KCNJ4: variants seen among roughly 807,000 people sequenced by gnomAD.
KCNJ4 encodes the protein inward rectifier potassium channel 4.
In KCNJ4, 3 loss-of-function variants were observed where a neutral mutation model predicts 25.6. The ratio of observed to expected loss-of-function variants is 0.12; its 90% confidence interval spans 0.05 to 0.30. The LOEUF is 0.30. Ranked by LOEUF, KCNJ4 falls within the 10% of genes least tolerant of loss-of-function variation. The pLI is 1.00. For missense variants in KCNJ4, 286 were observed against 666.8 expected (o/e 0.43, Z 6.29); for synonymous variants, 257 against 283.9 (o/e 0.91, Z 0.95).
intron 1 of KCNJ4, among the ~76,000 whole-genome samples, chr22:38,441,759 GCCCTCCTGGGA>G: frequency 6.6e-6 from 1 of 152,138 alleles, no homozygotes; most frequent in East Asian, 1.9e-4. Flanking sequence ...CGCCTCCTGG[GCCCTCCTGGGA>G]CTCCAGCCTG....
At chr22:38,434,270 A>T (rs928493237) in intron 1 of KCNJ4, among the ~76,000 whole-genome samples, 25 of 138,884 alleles carry the variant, frequency 1.8e-4, no homozygotes, top group Non-Finnish European at 3.3e-4. Flanking sequence ...AGGTGATGTG[A>T]CTGGCCTGAG....
rs147603955 is a variant in KCNJ4, at chr22:38,427,943, C to T, written c.190G>A (p.Ala64Thr). 13 of 1,613,886 alleles carry T rather than the reference C, an allele frequency of 8.1e-6. No individual in the cohort carries two copies. The highest frequency in any genetic ancestry group is 1.3e-5 in the African/African-American group (1 of 75,070). ...AAGAGCCAGGAGACAAGGAAGGCCG[C>T]GGAGAAGATCATGAGCATGTAGCGC... is the stretch of plus-strand genomic sequence containing the variant. ...RWRYMLMIFS[A>T]AFLVSWLFFG... is the part of the protein sequence containing the mutation. Residue 64 changes from alanine (A) to threonine (T), a missense_variant, in exon 2 of 2, where the codon GCG becomes ACG. By Grantham distance (58) the Ala-to-Thr change is moderately conservative. This residue lies in a region of KCNJ4 where 36 missense variants were observed against 103.2 expected (regional missense o/e 0.35). Coordinates refer to ENST00000303592, the MANE Select transcript of KCNJ4 (RefSeq NM_152868.3).
intron 1 of KCNJ4, among the ~76,000 whole-genome samples, chr22:38,442,697 G>A (rs1026430486): frequency 2.0e-5 from 3 of 152,180 alleles, no homozygotes; most frequent in Admixed American, 6.5e-5. Flanking sequence ...CTGCCAAGGC[G>A]AACAGTGTGG....
chr22:38,451,231 C>T (rs887240702), intron 1 of KCNJ4, among the ~76,000 whole-genome samples: 2 of 152,190 alleles, frequency 1.3e-5, no homozygotes, highest in Admixed American at 1.3e-4. Context: ...TGTTATTCGG[C>T]CTCACCCGTA....
At chr22:38,429,083 C>CAAAAA (rs10582408) in intron 1 of KCNJ4, among the ~76,000 whole-genome samples, 1 of 108,870 alleles carries the variant, frequency 9.2e-6, no homozygotes, top group Non-Finnish European at 1.9e-5. Context: ...GACCCCATGT[C>CAAAAA]AAAAAAAAAA....
intron 1 of KCNJ4, among the ~76,000 whole-genome samples, 162 bp downstream of exon 1, chr22:38,454,818 C>G (rs1450969559): frequency 1.3e-5 from 2 of 152,092 alleles, no homozygotes; most frequent in East Asian, 2.0e-4. Flanking sequence ...CGCCCGCTCC[C>G]GGGGAGTCAC....
intron 1 of KCNJ4, among the ~76,000 whole-genome samples, chr22:38,437,484 C>T (rs1361981685): frequency 6.6e-6 from 1 of 152,238 alleles, no homozygotes; most frequent in Admixed American, 6.5e-5. Context: ...GGCTTCAACA[C>T]CCCACTGCCT....
At chr22:38,437,625 G>T (rs994805025) in intron 1 of KCNJ4, among the ~76,000 whole-genome samples, 2 of 152,192 alleles carry the variant, frequency 1.3e-5, no homozygotes, top group Non-Finnish European at 2.9e-5. Flanking sequence ...CATCACAGGC[G>T]GCCGGATGTG....
intron 1 of KCNJ4, among the ~76,000 whole-genome samples, chr22:38,441,815 C>T (rs2089336769): frequency 6.6e-6 from 1 of 152,224 alleles, no homozygotes; most frequent in Non-Finnish European, 1.5e-5. Context: ...GCCTTGCCTT[C>T]AGCAGCACCG....
At chr22:38,437,859 T>C (rs761623128) in intron 1 of KCNJ4, among the ~76,000 whole-genome samples, 4 of 152,044 alleles carry the variant, frequency 2.6e-5, no homozygotes, top group Admixed American at 1.3e-4. Flanking sequence ...TCCTAGCACT[T>C]TGGGAGGCCG....
intron 1 of KCNJ4, among the ~76,000 whole-genome samples, chr22:38,451,702 A>G (rs1274868565): frequency 6.6e-6 from 1 of 152,106 alleles, no homozygotes; most frequent in Non-Finnish European, 1.5e-5. Context: ...CTCCACCCCC[A>G]AACCATCACT....
At chr22:38,428,295 G>T (rs1471385763) in intron 1 of KCNJ4, 124 bp from the exon 2 acceptor site, 1 of 890,968 alleles carries the variant, frequency 1.1e-6, no homozygotes, top group Non-Finnish European at 1.7e-6. Flanking sequence ...GACTTCCTCT[G>T]CCCCGGCAGG....
At chr22:38,450,824 T>G (rs2089406315) in intron 1 of KCNJ4, among the ~76,000 whole-genome samples, 1 of 152,150 alleles carries the variant, frequency 6.6e-6, no homozygotes, top group African/African-American at 2.4e-5. Context: ...AGCCAGAGGA[T>G]CCCTGAGGGG....
At chr22:38,445,580 G>C (rs1473124475) in intron 1 of KCNJ4, among the ~76,000 whole-genome samples, 1 of 152,110 alleles carries the variant, frequency 6.6e-6, no homozygotes, top group African/African-American at 2.4e-5. Flanking sequence ...CTGGGTTCTT[G>C]CCATCCTCCC....
intron 1 of KCNJ4, among the ~76,000 whole-genome samples, chr22:38,429,122 A>G (rs2093041730): frequency 6.7e-6 from 1 of 150,010 alleles, no homozygotes; most frequent in Non-Finnish European, 1.5e-5. Context: ...AAAAAGTTCT[A>G]CTGGGACCCG....
At chr22:38,432,902 C>G (rs1376995301) in intron 1 of KCNJ4, among the ~76,000 whole-genome samples, 1 of 150,598 alleles carries the variant, frequency 6.6e-6, no homozygotes, top group Non-Finnish European at 1.5e-5. Flanking sequence ...ACCCAGCAGG[C>G]AGAGGTTGCA....
In KCNJ4 at chr22:38,427,183, C is replaced by G; in HGVS notation, c.950G>C (p.Arg317Pro). The change falls in exon 2 of 2, where the codon CGC (arginine) becomes CCC (proline). Residue 317 changes from arginine to proline, a missense_variant. Transcript: ENST00000303592. ...YLASEILWGH[R>P]FEPVVFEEKS... ...CTCCTCGAAGACCACAGGCTCAAAGCGGTGGCCCCACAGGATCTCGCTGGC... is the reference window on the plus strand; with the variant it reads ...CTCCTCGAAGACCACAGGCTCAAAGGGGTGGCCCCACAGGATCTCGCTGGC... 1 of 1,613,368 alleles carries G rather than the reference C, an allele frequency of 6.2e-7. No individual in the cohort carries two copies. Among genetic ancestry groups the G allele is most frequent in the Non-Finnish European group, 8.5e-7 (1 of 1,180,016 alleles).
rs181893282 is a variant in KCNJ4, at chr22:38,446,331, C to T, written c.-40+8649G>A. Among the ~76,000 whole-genome samples the T allele has an allele frequency of 1.3e-3, 201 of 152,338 alleles. 1 individual carries two copies. The highest frequency in any genetic ancestry group is 2.6e-3 in the Non-Finnish European group (175 of 68,038). ...TCTCTCTCTGCTGCCCAGCCACTGCCGGGTGTCTGTTGGGGGCAGCCTTGG... is the reference window on the plus strand; with the variant it reads ...TCTCTCTCTGCTGCCCAGCCACTGCTGGGTGTCTGTTGGGGGCAGCCTTGG... On this transcript the variant is annotated intron_variant, in intron 1 of 1. Coordinates refer to ENST00000303592, the MANE Select transcript of KCNJ4 (RefSeq NM_152868.3).
chr22:38,447,986 T>C (rs1265607693), intron 1 of KCNJ4, among the ~76,000 whole-genome samples: 3 of 147,576 alleles, frequency 2.0e-5, no homozygotes, highest in African/African-American at 7.6e-5. Context: ...ATCACTTGAA[T>C]CTGGGAGGGG....
Sources: allele counts gnomAD v4.1 joint callset (sites outside exome capture counted in the v4.1 genomes callset), GRCh38; gene constraint gnomAD v4.1.1; regional missense constraint gnomAD v4.1.1; transcripts MANE v1.5; gene names NCBI Gene and HGNC (gene_info 2026-07-23, HGNC 2026-07-21).